MTCL1: variants seen among roughly 807,000 people sequenced by gnomAD.
The protein encoded by MTCL1 is microtubule cross-linking factor 1.
In MTCL1, 79 loss-of-function variants were observed where a neutral mutation model predicts 141.4. That is an observed-to-expected ratio of 0.56 (90% CI 0.47 to 0.67). The LOEUF (loss-of-function observed/expected upper bound fraction) is 0.67, where lower values mean the gene tolerates loss of function less well. MTCL1 is among the 30% of genes least tolerant of loss of function. The probability of loss-of-function intolerance (pLI) is 0.00; values close to 1 mark genes in which losing one functional copy is unlikely to be tolerated. For missense variants in MTCL1, 2,177 were observed against 2,113.9 expected (o/e 1.03, Z -0.59); for synonymous variants, 914 against 875.8 (o/e 1.04, Z -0.77).
At chr18:8,798,786 T>G (rs2076015246) in intron 10 of MTCL1, among the ~76,000 whole-genome samples, 1 of 152,218 alleles carries the variant, frequency 6.6e-6, no homozygotes. Context: ...GAGACTTCAG[T>G]GTTATTAAGT....
At position 8,830,676 on chromosome 18, in the gene MTCL1, C is replaced by G. The variant is rs1346230846; in HGVS notation, c.*19-931C>G. 1 of 985,386 alleles carries G rather than the reference C, an allele frequency of 1.0e-6. No homozygotes were observed. The highest frequency in any genetic ancestry group is 1.2e-6 in the Non-Finnish European group (1 of 829,980). 61.0% of individuals were successfully genotyped at this position (985,386 alleles called of 1,614,324 possible). On this transcript the variant is annotated intron_variant, in intron 16 of 16. Coordinates refer to ENST00000359865, the Ensembl canonical transcript of MTCL1. This position sits in a 1 kb window ranked among gnomAD's most constrained non-coding sequence, Gnocchi z 6.4. ...TTCCTGTGCCTTCCATTCAGTTCACCTCAAGCTTCCAGTGTCTGAGTGTCA... is the reference window on the plus strand; with the variant it reads ...TTCCTGTGCCTTCCATTCAGTTCACGTCAAGCTTCCAGTGTCTGAGTGTCA...
intron 12 of MTCL1, among the ~76,000 whole-genome samples, chr18:8,816,839 G>C (rs2076670105): frequency 6.6e-6 from 1 of 152,074 alleles, no homozygotes. Context: ...TTGTTTTACT[G>C]CAAGATTGCA....
chr18:8,821,511 G>T lies in MTCL1; in HGVS notation c.3188+13G>T. On this transcript the variant is annotated intron_variant, in intron 14 of 16. Transcript: ENST00000359865. ...GAAATCTTCAAAGGTAAGTAAGATTGATGAAAATAATAGATTACTAGAATA... is the reference window on the plus strand; with the variant it reads ...GAAATCTTCAAAGGTAAGTAAGATTTATGAAAATAATAGATTACTAGAATA... 1 of 1,324,938 alleles carries T rather than the reference G, an allele frequency of 7.5e-7. No individual in the cohort carries two copies. The highest frequency in any genetic ancestry group is 1.3e-5 in the South Asian group (1 of 78,550). The allele number at this position is 1,324,938 out of a possible 1,614,324, so 82.1% of individuals were successfully genotyped here.
intron 4 of MTCL1, among the ~76,000 whole-genome samples, chr18:8,773,832 A>G (rs2096494367): frequency 6.6e-6 from 1 of 152,140 alleles, no homozygotes; most frequent in African/African-American, 2.4e-5. Flanking sequence ...TTAAAATCTC[A>G]TATATTCTTT....
At chr18:8,706,487 C>G (rs182991633) in exon 1 of MTCL1, 1 of 1,270,088 alleles carries the variant, frequency 7.9e-7, no homozygotes, top group African/African-American at 1.6e-5. Context: ...CCCCTCGCCG[C>G]GGGCGCCTGT....
intron 4 of MTCL1, among the ~76,000 whole-genome samples, chr18:8,756,343 ATATATATGTG>A (rs1567983179): frequency 1.3e-5 from 2 of 148,450 alleles, no homozygotes; most frequent in East Asian, 1.9e-4. Context: ...ATGTGTGTGT[ATATATATGTG>A]TATATATGTA....
chr18:8,826,000 T>C (rs749659763), exon 15 of MTCL1: 54 of 1,603,574 alleles, frequency 3.4e-5, no homozygotes, highest in Admixed American at 5.1e-5. Context: ...CCTAGCCCCA[T>C]TGGGGTGGGG....
At chr18:8,800,980 A>G (rs1469991902) in intron 10 of MTCL1, among the ~76,000 whole-genome samples, 2 of 151,568 alleles carry the variant, frequency 1.3e-5, no homozygotes, top group Non-Finnish European at 2.9e-5. Flanking sequence ...ATTGTGTTTC[A>G]TATTTAAGTC....
chr18:8,717,597 G>T (rs770974482), intron 1 of MTCL1, among the ~76,000 whole-genome samples: 14 of 152,178 alleles, frequency 9.2e-5, no homozygotes, highest in Non-Finnish European at 2.1e-4. Context: ...AGGATTAGAG[G>T]GCCAGCTGAG....
In MTCL1 at chr18:8,705,699, G is replaced by A; in HGVS notation, c.39G>A (p.Pro13=). The A allele has an allele frequency of 8.3e-7, 1 of 1,201,852 alleles. No individual in the cohort carries two copies. The highest frequency in any genetic ancestry group is 1.0e-6 in the Non-Finnish European group (1 of 968,138). 74.4% of individuals were successfully genotyped at this position (1,201,852 alleles called of 1,614,324 possible). ...ACGGCCCCGCGGGCGGAGGTGCCCCGGACGCGAAGCTGCAGCCGCCCGGCC... is the reference window on the plus strand; with the variant it reads ...ACGGCCCCGCGGGCGGAGGTGCCCCAGACGCGAAGCTGCAGCCGCCCGGCC... Residue 13 remains proline (P), a synonymous_variant, in exon 1 of 14, where the codon CCG becomes CCA. Coordinates refer to the MTCL1 transcript ENST00000306329. The surrounding 1 kb of genome is among the most constrained non-coding windows in gnomAD (Gnocchi z 5.2).
chr18:8,754,881 G>A (rs192991393), intron 4 of MTCL1, among the ~76,000 whole-genome samples: 96 of 152,258 alleles, frequency 6.3e-4, no homozygotes, highest in Non-Finnish European at 1.1e-3. Context: ...GCTTGCAGGT[G>A]GAGTACACCT....
intron 11 of MTCL1, chr18:8,809,756 G>C: frequency 1.3e-6 from 1 of 775,706 alleles, no homozygotes; most frequent in Admixed American, 3.0e-5. Context: ...CACTGAGACA[G>C]GAACGCAGAG....
intron 11 of MTCL1, chr18:8,811,201 C>G (rs1361719906): frequency 6.6e-6 from 1 of 152,314 alleles, no homozygotes; most frequent in African/African-American, 2.4e-5. Context: ...TTCCACTCAG[C>G]AAAAGGCAAA....
At chr18:8,714,712 C>T (rs558501897), upstream of MTCL1, among the ~76,000 whole-genome samples, 94 of 152,258 alleles carry the variant, frequency 6.2e-4, no homozygotes, top group African/African-American at 2.2e-3. Flanking sequence ...TCCTGTGACA[C>T]GTGAGGATTA....
At chr18:8,719,008 T>C (rs573788181) in intron 3 of MTCL1, among the ~76,000 whole-genome samples, 48 of 152,082 alleles carry the variant, frequency 3.2e-4, no homozygotes, top group Non-Finnish European at 4.4e-5. Flanking sequence ...CTCTTAAAAG[T>C]TGATCATATC....
At chr18:8,765,979 C>T (rs919833109) in intron 4 of MTCL1, among the ~76,000 whole-genome samples, 6 of 152,172 alleles carry the variant, frequency 3.9e-5, no homozygotes, top group East Asian at 1.9e-4. Flanking sequence ...GGAGCCATCC[C>T]GACACAATGC....
At chr18:8,800,171 C>G (rs917465974) in intron 10 of MTCL1, among the ~76,000 whole-genome samples, 7 of 152,196 alleles carry the variant, frequency 4.6e-5, no homozygotes, top group Non-Finnish European at 1.0e-4. Flanking sequence ...GGATTTGCCT[C>G]TCTGTGACTG....
At chr18:8,717,814 T>C (rs1405394656) in intron 1 of MTCL1, 16 of 770,834 alleles carry the variant, frequency 2.1e-5, no homozygotes, top group Non-Finnish European at 2.4e-5. Flanking sequence ...CAGCAAAGAG[T>C]GGAGGTGTGG....
At chr18:8,794,934 T>C (rs2075863334) in intron 8 of MTCL1, among the ~76,000 whole-genome samples, 1 of 152,166 alleles carries the variant, frequency 6.6e-6, no homozygotes, top group Non-Finnish European at 1.5e-5. Context: ...AAATGTTAAA[T>C]ACACTTCCCC....
Sources: allele counts gnomAD v4.1 joint callset (sites outside exome capture counted in the v4.1 genomes callset), GRCh38; gene constraint gnomAD v4.1.1; non-coding constraint Gnocchi (gnomAD v3.1); transcripts MANE v1.5; gene names NCBI Gene and HGNC (gene_info 2026-07-23, HGNC 2026-07-21).